RMI1: variants seen among roughly 807,000 people sequenced by gnomAD.
RMI1 encodes recQ-mediated genome instability protein 1.
A neutral mutation model predicts 46.7 loss-of-function variants in RMI1; 36 were observed. That is an observed-to-expected ratio of 0.77 (90% CI 0.59 to 1.02). The LOEUF (loss-of-function observed/expected upper bound fraction) is 1.02, where lower values mean the gene tolerates loss of function less well. Ranked by LOEUF, RMI1 falls within the 50% of genes least tolerant of loss-of-function variation. The pLI is 0.00. For synonymous variants in RMI1, 250 were observed against 252.9 expected (o/e 0.99, Z 0.11); for missense variants, 676 against 713.7 (o/e 0.95, Z 0.60).
At chr9:83,990,475 A>G (rs979508547) in intron 1 of RMI1, among the ~76,000 whole-genome samples, 41 of 151,046 alleles carry the variant, frequency 2.7e-4, no homozygotes, top group Non-Finnish European at 4.7e-4. Flanking sequence ...GCGCCGCTGC[A>G]CTCCAGCCTG....
intron 1 of RMI1, among the ~76,000 whole-genome samples, chr9:83,984,755 G>C (rs1241448506): frequency 6.6e-6 from 1 of 151,874 alleles, no homozygotes; most frequent in South Asian, 2.1e-4. Context: ...GTAGAGACGG[G>C]CTTCTCCATG....
intron 1 of RMI1, among the ~76,000 whole-genome samples, chr9:83,995,311 T>C (rs1957633647): frequency 1.3e-5 from 2 of 152,096 alleles, no homozygotes; most frequent in Non-Finnish European, 2.9e-5. Flanking sequence ...ACCATTACTT[T>C]TTAAAAAACA....
Position 84,002,171 on chromosome 9 carries a change from A to G in RMI1, c.1185A>G (p.Arg395=), listed in dbSNP as rs778379575. ...AATCATTTGGTTGTCCATCTGTTAG[A>G]GACCAAAACAGGAGTATTTTTTCAG... ...EDKSFGCPSV[R]DQNRSIFSVH... is the part of the protein sequence containing the mutation. Residue 395 remains arginine (R), a synonymous_variant, in exon 3 of 3, where the codon AGA becomes AGG. Transcript: ENST00000445877. The G allele has an allele frequency of 6.2e-7, 1 of 1,613,726 alleles. No homozygotes were observed. Among genetic ancestry groups the G allele is most frequent in the Non-Finnish European group, 8.5e-7 (1 of 1,179,834 alleles).
intron 2 of RMI1, among the ~76,000 whole-genome samples, 174 bp downstream of exon 2, chr9:83,999,971 T>C (rs2133128836): frequency 6.6e-6 from 1 of 152,344 alleles, no homozygotes; most frequent in East Asian, 1.9e-4. Flanking sequence ...TATATTTGCC[T>C]GGCCAGACTT....
At chr9:83,985,506 T>G (rs1957476233) in intron 1 of RMI1, among the ~76,000 whole-genome samples, 1 of 152,232 alleles carries the variant, frequency 6.6e-6, no homozygotes. Flanking sequence ...GGGTGTTTAG[T>G]CAATGGAATT....
At chr9:83,982,281 GCTTT>G (rs1957422684) in intron 1 of RMI1, among the ~76,000 whole-genome samples, 1 of 152,168 alleles carries the variant, frequency 6.6e-6, no homozygotes, top group Non-Finnish European at 1.5e-5. Flanking sequence ...ATGATGCTGT[GCTTT>G]CTTTCAAATT....
At chr9:83,983,229 C>T (rs912886848) in intron 1 of RMI1, among the ~76,000 whole-genome samples, 3 of 152,126 alleles carry the variant, frequency 2.0e-5, no homozygotes, top group African/African-American at 7.2e-5. Context: ...GTTTTGTGAA[C>T]GAATGAACTA....
At position 84,003,555 on chromosome 9, in the gene RMI1, A is replaced by G. The variant is rs980247373; in HGVS notation, c.*691A>G. Reference sequence around the variant, plus strand: ...CTGAGCTTGTCATAATATGTTGAGTACCCAAAAGATTTGTTTATATTGTTA... The same window carrying G: ...CTGAGCTTGTCATAATATGTTGAGTGCCCAAAAGATTTGTTTATATTGTTA... On this transcript the variant is annotated 3_prime_UTR_variant, in exon 3 of 3. Transcript: ENST00000445877. 2 of 166,450 alleles carry G rather than the reference A, an allele frequency of 1.2e-5. No homozygotes were observed. Among genetic ancestry groups the G allele is most frequent in the Non-Finnish European group, 2.9e-5 (2 of 68,112 alleles). 10.3% of individuals were successfully genotyped at this position (166,450 alleles called of 1,614,324 possible). A position where few individuals can be genotyped will look rare whatever the true frequency, so the allele number is the denominator to read the frequency against.
At chr9:83,989,986 C>T (rs1449790215) in intron 1 of RMI1, among the ~76,000 whole-genome samples, 4 of 152,060 alleles carry the variant, frequency 2.6e-5, no homozygotes, top group Non-Finnish European at 5.9e-5. Context: ...TATATATACA[C>T]GGAATATTAT....
At chr9:83,982,084 T>G (rs1006561464) in intron 1 of RMI1, among the ~76,000 whole-genome samples, 2 of 152,208 alleles carry the variant, frequency 1.3e-5, no homozygotes, top group Non-Finnish European at 2.9e-5. Flanking sequence ...CGCATTTCAG[T>G]TCTAAAACAC....
rs536146013 is a variant in RMI1, at chr9:83,987,439, G to T, written c.-126+6548G>T. ...GTTTTCTTTATATTTTCCTCAGCTAGTTTGAAAGTTAGTTGTTACATTTCT... is the reference window on the plus strand; with the variant it reads ...GTTTTCTTTATATTTTCCTCAGCTATTTTGAAAGTTAGTTGTTACATTTCT... On this transcript the variant is annotated intron_variant, in intron 1 of 2. Coordinates refer to ENST00000445877, the MANE Select transcript of RMI1 (RefSeq NM_001358291.2). 7.4e-4 allele frequency among the ~76,000 whole-genome samples: 112 copies of T among 152,242 alleles called. 1 individual carries two copies. The highest frequency in any genetic ancestry group is 3.4e-3 in the Middle Eastern group (1 of 294).
chr9:83,986,704 CAA>C (rs1289463956), intron 1 of RMI1, among the ~76,000 whole-genome samples: 4 of 152,122 alleles, frequency 2.6e-5, no homozygotes, highest in Non-Finnish European at 5.9e-5. Context: ...TTATTTTCAG[CAA>C]AGTCTTCACT....
rs145053272 is a variant in RMI1 at position 83,996,708 on chromosome 9, T to C, written c.-125-3001T>C. ...TCTGCTGTAAAGAAATACCTGAGACTGGGTAATTTATAAAGAAAAGAGGTT... is the reference window on the plus strand; with the variant it reads ...TCTGCTGTAAAGAAATACCTGAGACCGGGTAATTTATAAAGAAAAGAGGTT... On this transcript the variant is annotated intron_variant, in intron 1 of 2. Transcript: ENST00000445877. Among the ~76,000 whole-genome samples the C allele has an allele frequency of 2.8e-3, 431 of 152,240 alleles. 7 individuals are homozygous for C. Among genetic ancestry groups the C allele is most frequent in the African/African-American group, 9.9e-3 (411 of 41,526 alleles).
intron 1 of RMI1, among the ~76,000 whole-genome samples, chr9:83,981,469 G>C (rs530018154): frequency 6.6e-6 from 1 of 152,304 alleles, no homozygotes; most frequent in South Asian, 2.1e-4. Context: ...AGCGGGTTCA[G>C]CGCACACTTG....
chr9:83,998,200 CACA>C (rs975360038), intron 1 of RMI1, among the ~76,000 whole-genome samples: 78 of 152,292 alleles, frequency 5.1e-4, no homozygotes, highest in African/African-American at 1.7e-3. Flanking sequence ...TTATCTTCAT[CACA>C]ACAAGTAAAG....
chr9:84,002,267 AAAAC>A lies in RMI1; in HGVS notation c.1286_1289del (p.Gln429ProfsTer9), dbSNP rs1388672121. 2 of 1,607,346 alleles carry A rather than the reference AAAAC, an allele frequency of 1.2e-6. No individual in the cohort carries two copies. The highest frequency in any genetic ancestry group is 2.7e-5 in the African/African-American group (2 of 74,398). On this transcript the variant is annotated frameshift_variant, in exon 3 of 3. Transcript: ENST00000445877. LOFTEE classifies it high-confidence loss of function. ...AGAACTTAGAGACAGATAATAAAAT[AAAAC>A]AAACCAGCAGTTCAGATAGCCATTC...
intron 1 of RMI1, among the ~76,000 whole-genome samples, chr9:83,986,325 A>T (rs1480115654): frequency 6.6e-6 from 1 of 152,222 alleles, no homozygotes; most frequent in Non-Finnish European, 1.5e-5. Context: ...AGATCTGAGA[A>T]TTCTGTTCAT....
At chr9:83,989,674 A>AT (rs1554705253) in intron 1 of RMI1, among the ~76,000 whole-genome samples, 1,685 of 150,672 alleles carry the variant, frequency 0.011, 29 homozygotes, top group African/African-American at 0.035. Flanking sequence ...AGACAAAAAA[A>AT]AAAATAAAAT....
rs141490998 is a variant in RMI1 at position 84,001,942 on chromosome 9, C to A, written c.956C>A (p.Ala319Asp). 6.2e-7 allele frequency: 1 copy of A among 1,614,002 alleles called. No individual in the cohort carries two copies. ...GELDDFSLEE[A>D]LLLEETVQKE... ...TTAGATGACTTTTCACTGGAGGAGG[C>A]CTTGCTTTTAGAAGAAACTGTCCAG... The change falls in exon 3 of 3, where the codon GCC (alanine) becomes GAC (aspartate). Residue 319 changes from alanine (A) to aspartate (D), a missense_variant. By Grantham distance (126) the Ala-to-Asp change is moderately radical (BLOSUM62 -2). Coordinates refer to ENST00000445877, the MANE Select transcript of RMI1 (RefSeq NM_001358291.2).
Sources: gnomAD v4.1 joint callset for allele counts (sites outside exome capture counted in the v4.1 genomes callset) on GRCh38, gnomAD v4.1.1 for gene constraint, MANE v1.5 for transcripts, NCBI Gene and HGNC (gene_info 2026-07-23, HGNC 2026-07-21) for gene names.